Variants in PRH1 observed in about 807,000 individuals in gnomAD.
PRH1 encodes the protein proline rich protein HaeIII subfamily 1, also known as salivary acidic proline-rich phosphoprotein 1/2.
A neutral mutation model predicts 7.9 loss-of-function variants in PRH1; 7 were observed. That is an observed-to-expected ratio of 0.89 (90% confidence interval 0.50 to 1.67). The LOEUF (loss-of-function observed/expected upper bound fraction) is 1.67. Ranked by LOEUF, PRH1 falls within the 40% of genes most tolerant of loss-of-function variation. PRH1 has a pLI of 0.00. For missense variants in PRH1, 109 were observed against 223.6 expected, an observed-to-expected ratio of 0.49 and a Z score of 3.27; for synonymous variants, 45 against 80.8, an observed-to-expected ratio of 0.56 and a Z score of 2.38.
At chr12:10,998,285 G>A (rs7301234) in intron 1 of PRH1, among the ~76,000 whole-genome samples, 46,319 of 151,902 alleles carry the variant, frequency 0.3, 8,925 homozygotes, top group East Asian at 0.74. Flanking sequence ...TTCAGTTGTT[G>A]GGGAAATTTT....
intron 1 of PRH1, chr12:11,091,775 A>T (rs770491026): frequency 7.2e-7 from 1 of 1,383,718 alleles, no homozygotes; most frequent in Non-Finnish European, 1.0e-6. Context: ...TGTCCGCACA[A>T]TCTCATTCAT....
At chr12:11,121,966 ATTC>A (rs1481602742) in intron 1 of PRH1, among the ~76,000 whole-genome samples, 3 of 152,232 alleles carry the variant, frequency 2.0e-5, no homozygotes, top group Admixed American at 6.5e-5. Flanking sequence ...AATAGAGATA[ATTC>A]TTCAAATGAA....
In PRH1 at chr12:11,023,134, A is replaced by G. The variant is rs56900852; in HGVS notation, c.-126+23886T>C. ...AAACCTTTTATCAAAATCATCCAAG[A>G]TTATCTTGGAAATCCCTGGGAGGCT... On this transcript the variant is annotated intron_variant, in intron 1 of 3. Coordinates refer to the PRH1 transcript ENST00000539853. Among the ~76,000 whole-genome samples, 1,476 of 151,990 alleles carry G rather than the reference A, an allele frequency of 9.7e-3. 23 individuals carry two copies. Among genetic ancestry groups the G allele is most frequent in the African/African-American group, 0.032 (1,346 of 41,472 alleles).
At chr12:10,929,115 A>G (rs939037788) in intron 2 of PRH1, 54 of 800,058 alleles carry the variant, frequency 6.7e-5, no homozygotes, top group South Asian at 6.5e-4. Context: ...TGAGGGATAC[A>G]CTTGACCTGA....
chr12:11,099,722 C>A (rs4763622), intron 1 of PRH1, among the ~76,000 whole-genome samples: 14,269 of 152,102 alleles, frequency 0.094, 856 homozygotes, highest in East Asian at 0.22. Context: ...CACACACACA[C>A]AAATGAAATC....
At chr12:11,057,005 CTTTTTTT>C (rs66633867) in intron 1 of PRH1, among the ~76,000 whole-genome samples, 1 of 146,066 alleles carries the variant, frequency 6.8e-6, no homozygotes, top group Non-Finnish European at 1.5e-5. Flanking sequence ...AGAACTTTCA[CTTTTTTT>C]TTTTTTTCTT....
At chr12:11,042,576 A>C (rs1942750079) in intron 1 of PRH1, among the ~76,000 whole-genome samples, 1 of 149,324 alleles carries the variant, frequency 6.7e-6, no homozygotes. Flanking sequence ...ATCCTACTCA[A>C]ACTCTTCTGA....
chr12:11,066,745 G>C (rs370675470), intron 1 of PRH1, among the ~76,000 whole-genome samples: 4 of 151,706 alleles, frequency 2.6e-5, no homozygotes, highest in Admixed American at 6.6e-5. Context: ...AGGGTAGTGA[G>C]AGAACCCTAC....
At chr12:11,024,134 G>A (rs1210467167) in intron 1 of PRH1, among the ~76,000 whole-genome samples, 2 of 152,220 alleles carry the variant, frequency 1.3e-5, no homozygotes, top group Non-Finnish European at 2.9e-5. Flanking sequence ...AAATCTCTTA[G>A]AGTTACACAT....
At chr12:11,030,570 C>A (rs377191550) in intron 1 of PRH1, 4 of 1,614,098 alleles carry the variant, frequency 2.5e-6, no homozygotes, top group Non-Finnish European at 3.4e-6. Context: ...GGTTTGTTTT[C>A]CAGACTCCCA....
At chr12:10,941,388 A>G (rs1245869339) in intron 2 of PRH1, among the ~76,000 whole-genome samples, 2 of 152,196 alleles carry the variant, frequency 1.3e-5, no homozygotes, top group Non-Finnish European at 2.9e-5. Context: ...AAATTAGAAT[A>G]AAAACTCAGT....
intron 2 of PRH1, among the ~76,000 whole-genome samples, chr12:10,919,417 A>G (rs568935920): frequency 6.6e-6 from 1 of 152,306 alleles, no homozygotes; most frequent in South Asian, 2.1e-4. Context: ...TGGACACCTA[A>G]CTTAGGATGG....
At chr12:11,086,440 T>C (rs1220164695) in intron 1 of PRH1, among the ~76,000 whole-genome samples, 1 of 147,382 alleles carries the variant, frequency 6.8e-6, no homozygotes, top group Non-Finnish European at 1.5e-5. Flanking sequence ...AAAATAGATG[T>C]TAAAATCAGT....
intron 2 of PRH1, chr12:10,909,191 G>A: frequency 6.2e-7 from 1 of 1,613,780 alleles, no homozygotes; most frequent in South Asian, 1.1e-5. Flanking sequence ...CTCTTTTACT[G>A]ACCCAGTCAA....
At chr12:11,003,181 T>G (rs1298177148) in intron 1 of PRH1, among the ~76,000 whole-genome samples, 1 of 152,044 alleles carries the variant, frequency 6.6e-6, no homozygotes, top group Non-Finnish European at 1.5e-5. Context: ...TTCTTACTAC[T>G]ATAATGCTGT....
At chr12:10,897,107 C>T (rs1018979995) in intron 2 of PRH1, among the ~76,000 whole-genome samples, 1 of 152,172 alleles carries the variant, frequency 6.6e-6, no homozygotes, top group Non-Finnish European at 1.5e-5. Context: ...GTCCTTTTAC[C>T]CCAGGTACTA....
intron 2 of PRH1, among the ~76,000 whole-genome samples, chr12:10,940,753 C>T (rs1950386371): frequency 6.6e-6 from 1 of 152,132 alleles, no homozygotes; most frequent in African/African-American, 2.4e-5. Flanking sequence ...GTGAGCAAAG[C>T]ACCAATGAAA....
intron 1 of PRH1, among the ~76,000 whole-genome samples, chr12:11,019,568 AGAAAG>A (rs1286302080): frequency 1.4e-4 from 21 of 152,334 alleles, no homozygotes; most frequent in Middle Eastern, 3.4e-3. Flanking sequence ...ATAATGTGTA[AGAAAG>A]GTGACTGGTT....
intron 2 of PRH1, among the ~76,000 whole-genome samples, chr12:10,921,410 A>T (rs1282558293): frequency 6.6e-6 from 1 of 152,110 alleles, no homozygotes; most frequent in East Asian, 1.9e-4. Flanking sequence ...CTTTTTAAAA[A>T]CTTGGCAATT....
Sources: allele counts gnomAD v4.1 joint callset (sites outside exome capture counted in the v4.1 genomes callset), GRCh38; gene constraint gnomAD v4.1.1; transcripts MANE v1.5; gene names NCBI Gene and HGNC (gene_info 2026-07-23, HGNC 2026-07-21).